Variants in NFATC1 observed in about 807,000 individuals in gnomAD.
The protein encoded by NFATC1 is nuclear factor of activated T cells 1.
In NFATC1, 22 loss-of-function variants were observed where a neutral mutation model predicts 76.0. The observed-to-expected ratio is 0.29, with a 90% confidence interval of 0.21 to 0.41. The LOEUF (loss-of-function observed/expected upper bound fraction) is 0.41, where lower values mean the gene tolerates loss of function less well. NFATC1 is among the 10% of genes least tolerant of loss of function. The pLI, the probability that NFATC1 is intolerant of heterozygous loss-of-function variation, is 1.00. For missense variants in NFATC1, 1,357 were observed against 1,337.7 expected (o/e 1.01, Z -0.23); for synonymous variants, 704 against 613.1 (o/e 1.15, Z -2.19).
At chr18:79,457,041 C>T (rs2087770575) in intron 6 of NFATC1, among the ~76,000 whole-genome samples, 2 of 152,230 alleles carry the variant, frequency 1.3e-5, no homozygotes, top group African/African-American at 4.8e-5. Flanking sequence ...TTTGTGTTTT[C>T]AGGGAGAAGG....
At chr18:79,463,621 C>T (rs948605097) in intron 7 of NFATC1, among the ~76,000 whole-genome samples, 1 of 152,266 alleles carries the variant, frequency 6.6e-6, no homozygotes, top group African/African-American at 2.4e-5. Flanking sequence ...CAGGCCTCCC[C>T]ACCTACTGGG....
At chr18:79,422,246 T>C (rs1477772889) in intron 2 of NFATC1, 1 of 152,250 alleles carries the variant, frequency 6.6e-6, no homozygotes, top group Non-Finnish European at 1.5e-5. Flanking sequence ...CATTAACTTG[T>C]GCAATATGAC....
At chr18:79,518,044 C>T (rs111346318) in intron 9 of NFATC1, among the ~76,000 whole-genome samples, 15 of 152,242 alleles carry the variant, frequency 9.9e-5, no homozygotes, top group African/African-American at 2.9e-4. Context: ...TCTCCCGGCT[C>T]TTCACTGCAC....
In NFATC1 at chr18:79,486,346, A is replaced by T. The variant is rs887446316; in HGVS notation, c.2191A>T (p.Ser731Cys). 6.2e-6 allele frequency: 10 copies of T among 1,612,986 alleles called. No individual in the cohort carries two copies. The South Asian group carries it at 1.1e-4, about 18-fold the overall frequency. Residue 731 changes from serine to cysteine, a missense_variant, in exon 9 of 10, where the codon AGC becomes TGC. Physicochemically the swap from Ser to Cys is moderately radical, Grantham distance 112 (BLOSUM62 -1). This residue lies in a region of NFATC1 where 424 missense variants were observed against 395.4 expected (regional missense o/e 1.07). Transcript: ENST00000427363. ...AAGTCCTCTCCCAAGACCATACTAC[A>T]GCCAGCAGCTCGCGATGCCACCCGA... The part of the protein sequence containing the change: ...GLSPLPRPYY[S>C]QQLAMPPDPS...
chr18:79,412,481 T>C (rs1442743547), intron 2 of NFATC1, among the ~76,000 whole-genome samples: 1 of 151,770 alleles, frequency 6.6e-6, no homozygotes, highest in African/African-American at 2.4e-5. Context: ...TCCTTTTTTA[T>C]TAGCGAGCAC....
At chr18:79,458,457 C>T (rs536279969) in intron 6 of NFATC1, among the ~76,000 whole-genome samples, 3 of 152,186 alleles carry the variant, frequency 2.0e-5, no homozygotes, top group African/African-American at 7.2e-5. Flanking sequence ...AGCATCAGCA[C>T]CGGCGTGGGG....
chr18:79,486,203 C>T, intron 8 of NFATC1, 45 bp from the exon 9 acceptor site: 3 of 1,551,248 alleles, frequency 1.9e-6, no homozygotes, highest in South Asian at 2.4e-5. Flanking sequence ...TGATCACACT[C>T]ATTCGCAACT....
At chr18:79,471,305 C>T (rs921313816) in intron 8 of NFATC1, among the ~76,000 whole-genome samples, 8 of 152,110 alleles carry the variant, frequency 5.3e-5, no homozygotes, top group Middle Eastern at 3.2e-3. Context: ...AGGCGGCGTC[C>T]GCGTGGCCTG....
chr18:79,428,398 A>G (rs776431744), intron 2 of NFATC1, among the ~76,000 whole-genome samples: 17 of 152,196 alleles, frequency 1.1e-4, no homozygotes, highest in Non-Finnish European at 1.9e-4. Flanking sequence ...GACCAAGCGC[A>G]CCCCGGACCC....
Position 79,451,053 on chromosome 18 carries a change from G to A in NFATC1, c.1689G>A (p.Val563=). ...GGAAGAACACACGGGTACGGCTGGT[G>A]TTCCGCGTTCACGTCCCGCAACCCA... ...IGRKNTRVRL[V]FRVHVPQPSG... The change falls in exon 5 of 10, where the codon GTG becomes GTA. Residue 563 remains valine, a synonymous_variant. Coordinates refer to ENST00000427363, the MANE Select transcript of NFATC1 (RefSeq NM_001278669.2). 4 of 1,613,364 alleles carry A rather than the reference G, an allele frequency of 2.5e-6. No individual in the cohort carries two copies. Among genetic ancestry groups the A allele is most frequent in the Non-Finnish European group, 3.4e-6 (4 of 1,179,996 alleles).
intron 2 of NFATC1, among the ~76,000 whole-genome samples, chr18:79,415,486 G>T (rs1041152944): frequency 2.0e-5 from 3 of 151,812 alleles, no homozygotes; most frequent in African/African-American, 7.2e-5. Context: ...GTTTCACCAT[G>T]TTAGCCAGGA....
intron 8 of NFATC1, among the ~76,000 whole-genome samples, chr18:79,481,432 C>T (rs569768236): frequency 1.3e-5 from 2 of 152,342 alleles, no homozygotes; most frequent in African/African-American, 4.8e-5. Context: ...TAATGTAAAA[C>T]GAGGCGGGTA....
Position 79,417,918 on chromosome 18 carries a change from G to A in NFATC1, c.1226+6417G>A, listed in dbSNP as rs2458023. Among the ~76,000 whole-genome samples the A allele has an allele frequency of 5.3e-5, 8 of 151,108 alleles. No homozygotes were observed. In the East Asian group the frequency reaches 1.6e-3, roughly 30 times the overall value. On this transcript the variant is annotated intron_variant, in intron 2 of 9. Transcript: ENST00000427363. ...TGTGGTGGGAGATGGGAGATGGGCT[G>A]TGGTGGGAGATGGGAGATGGGCTAT...
chr18:79,495,259 G>A (rs937943597), intron 9 of NFATC1, among the ~76,000 whole-genome samples: 3 of 152,256 alleles, frequency 2.0e-5, no homozygotes, highest in African/African-American at 7.2e-5. Context: ...GCCCGCTCCT[G>A]TGAGCTGCCC....
In NFATC1 at chr18:79,436,269, C is replaced by T. The variant is rs760719168; in HGVS notation, c.1386+2531C>T. ...CGAGGACGAGGCCGTGGGTAGTGGG[C>T]GCTGCGGGCGGCTGGTCAGAGCCAC... On this transcript the variant is annotated intron_variant, in intron 3 of 9. Transcript: ENST00000427363. Among the ~76,000 whole-genome samples, 8 of 152,338 alleles carry T rather than the reference C, an allele frequency of 5.3e-5. No homozygotes were observed. The South Asian group carries it at 6.2e-4, about 12-fold the overall frequency.
intron 3 of NFATC1, among the ~76,000 whole-genome samples, chr18:79,447,421 G>A (rs11876312): frequency 8.7e-4 from 132 of 152,366 alleles, no homozygotes; most frequent in African/African-American, 3.0e-3. Flanking sequence ...CGTGGTCATC[G>A]TGCTGCAGTT....
intron 6 of NFATC1, among the ~76,000 whole-genome samples, chr18:79,454,002 A>AATTTAAATT (rs1171251117): frequency 6.6e-6 from 1 of 152,184 alleles, no homozygotes; most frequent in Non-Finnish European, 1.5e-5. Context: ...CACTAAACTG[A>AATTTAAATT]ATTTAAATTA....
At chr18:79,418,617 G>A (rs1409066830) in intron 2 of NFATC1, among the ~76,000 whole-genome samples, 8 of 152,368 alleles carry the variant, frequency 5.3e-5, no homozygotes, top group East Asian at 1.9e-4. Context: ...AAGGCACTGC[G>A]TCTGCCAGCC....
chr18:79,427,543 A>T (rs965987909), intron 2 of NFATC1, among the ~76,000 whole-genome samples: 17 of 7,498 alleles, frequency 2.3e-3, no homozygotes, highest in Non-Finnish European at 3.5e-3. Context: ...GGGTGGGGGG[A>T]GCTGGACGGC....
Sources: gnomAD v4.1 joint callset for allele counts (sites outside exome capture counted in the v4.1 genomes callset) on GRCh38, gnomAD v4.1.1 for gene constraint, gnomAD v4.1.1 regional missense constraint, MANE v1.5 for transcripts, NCBI Gene and HGNC (gene_info 2026-07-23, HGNC 2026-07-21) for gene names.